IL10: variants seen among roughly 807,000 people sequenced by gnomAD.
The protein encoded by IL10 is interleukin-10.
IL10 carries 7 observed loss-of-function variants against 21.0 expected under a neutral mutation model. The ratio of observed to expected loss-of-function variants is 0.33; its 90% CI spans 0.19 to 0.63. IL10 has a LOEUF of 0.63. Ranked by LOEUF, IL10 falls within the 20% of genes least tolerant of loss-of-function variation. The pLI is 0.77. For synonymous variants in IL10, 83 were observed against 79.7 expected (o/e 1.04, Z -0.22); for missense variants, 161 against 213.0 (o/e 0.76, Z 1.52).
rs935613934 is a variant in IL10, at chr1:206,767,837, C to G, written c.*799G>C. On this transcript the variant is annotated 3_prime_UTR_variant, in exon 5 of 5. Coordinates refer to ENST00000423557, the MANE Select transcript of IL10 (RefSeq NM_000572.3). ...TTCCATCTCCTGGGTTCAAGCAATTCTCTTGCCTCAGCCTCCCAAGTAGCT... is the reference window on the plus strand; with the variant it reads ...TTCCATCTCCTGGGTTCAAGCAATTGTCTTGCCTCAGCCTCCCAAGTAGCT... 3 of 153,334 alleles carry G rather than the reference C, an allele frequency of 2.0e-5. No homozygotes were observed. The highest frequency in any genetic ancestry group is 4.4e-5 in the Non-Finnish European group (3 of 68,776). The allele number at this position is 153,334 out of a possible 1,614,324, so 9.5% of individuals were successfully genotyped here. A position where few individuals can be genotyped will look rare whatever the true frequency, so the allele number is the denominator to read the frequency against.
intron 4 of IL10, 163 bp downstream of exon 4, chr1:206,769,666 C>T: frequency 1.4e-6 from 1 of 695,992 alleles, no homozygotes; most frequent in Non-Finnish European, 2.7e-6. Flanking sequence ...ATCAAGGCAG[C>T]AGCTCCTCAC....
chr1:206,771,117 C>A (rs538037506), intron 2 of IL10, 58 bp from the exon 3 acceptor site: 3 of 1,564,642 alleles, frequency 1.9e-6, no homozygotes, highest in Middle Eastern at 1.7e-4. Flanking sequence ...GGAGGAGGGG[C>A]TGCTGCAACT....
chr1:206,770,284 C>T, intron 3 of IL10: 1 of 361,528 alleles, frequency 2.8e-6, no homozygotes, highest in East Asian at 6.7e-5. Flanking sequence ...TGGGACCAAA[C>T]CCTTCACATA....
At chr1:206,770,117 G>T (rs1399518786) in intron 3 of IL10, among the ~76,000 whole-genome samples, 2 of 152,124 alleles carry the variant, frequency 1.3e-5, no homozygotes, top group African/African-American at 4.8e-5. Context: ...GACAACCCAG[G>T]TCTTGGGATT....
rs910806174 is a variant in IL10 at position 206,768,843 on chromosome 1, C to T, written c.445-115G>A. On this transcript the variant is annotated intron_variant, in intron 4 of 4. Transcript: ENST00000423557. Reference sequence around the variant, plus strand: ...TTGAGTGCAGAGGTTGCTTGTTCTCCCTCACGCTGGGAAGTAAACCAGAGG... The same window carrying T: ...TTGAGTGCAGAGGTTGCTTGTTCTCTCTCACGCTGGGAAGTAAACCAGAGG... 3 of 722,408 alleles carry T rather than the reference C, an allele frequency of 4.2e-6. No homozygotes were observed. In the African/African-American group the frequency reaches 5.2e-5, roughly 13 times the overall value. 44.7% of individuals were successfully genotyped at this position (722,408 alleles called of 1,614,324 possible).
Position 206,770,971 on chromosome 1 carries a change from A to C in IL10, c.314T>G (p.Ile105Ser), listed in dbSNP as rs372883095. ...CCCCAGGGAGTTCACATGCGCCTTGATGTCTGGGTCTTGGTTCTCAGCTTG... is the reference window on the plus strand; with the variant it reads ...CCCCAGGGAGTTCACATGCGCCTTGCTGTCTGGGTCTTGGTTCTCAGCTTG... ...MPQAENQDPD[I>S]KAHVNSLGEN... Residue 105 changes from isoleucine (I) to serine (S), a missense_variant, in exon 3 of 5, where the codon ATC (isoleucine) becomes AGC (serine). By Grantham distance (142) the Ile-to-Ser change is moderately radical. Transcript: ENST00000423557. 71 of 1,614,092 alleles carry C rather than the reference A, an allele frequency of 4.4e-5. No individual in the cohort carries two copies. Among genetic ancestry groups the C allele is most frequent in the Non-Finnish European group, 5.9e-5 (70 of 1,180,004 alleles).
At chr1:206,770,428 G>C (rs768062807) in intron 3 of IL10, 1 of 266,536 alleles carries the variant, frequency 3.8e-6, no homozygotes, top group Non-Finnish European at 7.3e-6. Context: ...ACACTAGCCT[G>C]GGGATGAATA....
chr1:206,771,845 T>C (rs889658525), intron 1 of IL10, among the ~76,000 whole-genome samples: 1 of 152,234 alleles, frequency 6.6e-6, no homozygotes, highest in Non-Finnish European at 1.5e-5. Context: ...TAATGCAGGT[T>C]TCCCTCATGT....
chr1:206,772,484 C>G lies in IL10; in HGVS notation c.-49G>C. 1 of 1,580,794 alleles carries G rather than the reference C, an allele frequency of 6.3e-7. No homozygotes were observed. The highest frequency in any genetic ancestry group is 8.7e-7 in the Non-Finnish European group (1 of 1,152,210). On this transcript the variant is annotated 5_prime_UTR_variant, in exon 1 of 5. Coordinates refer to ENST00000423557, the MANE Select transcript of IL10 (RefSeq NM_000572.3). ...GTGGTTTGGTTTTGCAAGAGCAAGC[C>G]CCTGATGTGTAGACCTTCACCTCTC...
intron 4 of IL10, among the ~76,000 whole-genome samples, chr1:206,769,204 C>T (rs1674750164): frequency 6.6e-6 from 1 of 152,206 alleles, no homozygotes; most frequent in Admixed American, 6.5e-5. Context: ...AGTGTCTGTC[C>T]CCAGCCCACG....
chr1:206,770,569 C>T (rs922404601), intron 3 of IL10: 7 of 364,418 alleles, frequency 1.9e-5, no homozygotes, highest in African/African-American at 1.4e-4. Context: ...ACCTTAGCTC[C>T]CCGCCCAGGG....
At chr1:206,772,029 C>A (rs1468983086) in intron 1 of IL10, among the ~76,000 whole-genome samples, 3 of 152,220 alleles carry the variant, frequency 2.0e-5, no homozygotes, top group African/African-American at 7.2e-5. Flanking sequence ...AGTTTCTCAG[C>A]ACGAGAGAGA....
chr1:206,772,365 G>C lies in IL10; in HGVS notation c.71C>G (p.Thr24Ser), dbSNP rs1674877288. ...GTGGGTGCAGCTGTTCTCAGACTGG[G>C]TGCCCTGGCCTGGGCTGGCCCTCAC... Reference protein sequence around the residue: ...TGVRASPGQGTQSENSCTHFP... With the variant: ...TGVRASPGQGSQSENSCTHFP... The change falls in exon 1 of 5, where the codon ACC becomes AGC. Residue 24 changes from threonine (T) to serine (S), a missense_variant. By Grantham distance (58) the Thr-to-Ser change is moderately conservative (BLOSUM62 1). Transcript: ENST00000423557. 7.4e-6 allele frequency: 12 copies of C among 1,614,180 alleles called. No homozygotes were observed. Among genetic ancestry groups the C allele is most frequent in the Non-Finnish European group, 9.3e-6 (11 of 1,180,010 alleles).
intron 3 of IL10, among the ~76,000 whole-genome samples, 171 bp from the exon 4 acceptor site, chr1:206,770,065 A>C (rs3024508): frequency 0.012 from 1,885 of 152,178 alleles, 19 homozygotes; most frequent in Non-Finnish European, 0.019. Flanking sequence ...AGTTAAATGT[A>C]TTTCTCCAGG....
At chr1:206,769,733 G>A in intron 4 of IL10, 96 bp downstream of exon 4, 1 of 909,144 alleles carries the variant, frequency 1.1e-6, no homozygotes. Context: ...ATGAAGAATG[G>A]GGCCTATTGA....
Position 206,771,339 on chromosome 1 carries a change from C to T in IL10, c.225+17G>A, listed in dbSNP as rs1674832645. The T allele has an allele frequency of 3.7e-6, 6 of 1,610,786 alleles. No individual in the cohort carries two copies. The highest frequency in any genetic ancestry group is 5.1e-6 in the Non-Finnish European group (6 of 1,177,394). On this transcript the variant is annotated intron_variant, in intron 2 of 4. Coordinates refer to ENST00000423557, the MANE Select transcript of IL10 (RefSeq NM_000572.3). ...ATCATGCTGCACACTCCCCCAGCAC[C>T]CCGCCCCTGCTCTCACCTTAAAGTC...
chr1:206,771,432 A>G lies in IL10; in HGVS notation c.166-17T>C. 1 of 1,592,990 alleles carries G rather than the reference A, an allele frequency of 6.3e-7. No individual in the cohort carries two copies. The highest frequency in any genetic ancestry group is 2.3e-5 in the East Asian group (1 of 44,076). On this transcript the variant is annotated splice_polypyrimidine_tract_variant and intron_variant, in intron 1 of 4. Coordinates refer to ENST00000423557, the MANE Select transcript of IL10 (RefSeq NM_000572.3). ...CTTCATTTGCTGCAGGAAGAACAAA[A>G]GGAGAATGAACTTGAGGTTTGGGGA...
At chr1:206,769,688 G>A in intron 4 of IL10, 141 bp downstream of exon 4, 2 of 740,814 alleles carry the variant, frequency 2.7e-6, no homozygotes, top group Non-Finnish European at 2.5e-6. Context: ...GGCTGAGCAG[G>A]TCATACCATC....
chr1:206,770,760 ATC>A, intron 3 of IL10, 145 bp downstream of exon 3: 1 of 824,706 alleles, frequency 1.2e-6, no homozygotes, highest in Non-Finnish European at 2.1e-6. Context: ...TGAGCAAGAG[ATC>A]TGACTCCAGG....
Sources: gnomAD v4.1 joint callset for allele counts (sites outside exome capture counted in the v4.1 genomes callset) on GRCh38, gnomAD v4.1.1 for gene constraint, MANE v1.5 for transcripts, NCBI Gene and HGNC (gene_info 2026-07-23, HGNC 2026-07-21) for gene names.